ASIC2: variants seen among roughly 807,000 people sequenced by gnomAD.
The protein encoded by ASIC2 is acid-sensing ion channel 2.
ASIC2 carries 25 observed loss-of-function variants against 57.3 expected under a neutral mutation model. The ratio of observed to expected loss-of-function variants is 0.44; its 90% CI spans 0.32 to 0.61. ASIC2 has a LOEUF of 0.61. Among genes scored for constraint, ASIC2 ranks in the 20% least tolerant of loss-of-function variants. The pLI is 0.06. For synonymous variants in ASIC2, 319 were observed against 307.5 expected, an observed-to-expected ratio of 1.04 and a Z score of -0.39; for missense variants, 641 against 738.1, an observed-to-expected ratio of 0.87 and a Z score of 1.52.
intron 1 of ASIC2, among the ~76,000 whole-genome samples, chr17:34,046,329 A>G (rs1908333972): frequency 6.6e-6 from 1 of 152,232 alleles, no homozygotes; most frequent in Non-Finnish European, 1.5e-5. Flanking sequence ...TAAATGTTAT[A>G]AGTGACAACC....
chr17:34,030,575 G>A (rs1354632831), intron 1 of ASIC2, among the ~76,000 whole-genome samples: 2 of 152,370 alleles, frequency 1.3e-5, no homozygotes, highest in East Asian at 1.9e-4. Flanking sequence ...CACCTGGGAA[G>A]CTCAAGGGGT....
intron 1 of ASIC2, among the ~76,000 whole-genome samples, chr17:33,504,390 G>A (rs1300478333): frequency 6.6e-6 from 1 of 152,186 alleles, no homozygotes; most frequent in African/African-American, 2.4e-5. Context: ...CCAGGCTGGA[G>A]TGCAGTACTG....
At chr17:33,106,534 C>T (rs1258514377) in intron 2 of ASIC2, among the ~76,000 whole-genome samples, 1 of 152,188 alleles carries the variant, frequency 6.6e-6, no homozygotes, top group Non-Finnish European at 1.5e-5. Context: ...AGACGTAACC[C>T]ACCCTCAATT....
intron 1 of ASIC2, among the ~76,000 whole-genome samples, chr17:33,846,974 T>TTCC (rs34681818): frequency 0.025 from 3,832 of 152,120 alleles, 179 homozygotes; most frequent in African/African-American, 0.088. Flanking sequence ...TCCTGTACAA[T>TTCC]TCCGTCTCAG....
chr17:33,481,501 C>A (rs192083297), intron 1 of ASIC2, among the ~76,000 whole-genome samples: 5 of 142,628 alleles, frequency 3.5e-5, no homozygotes, highest in African/African-American at 1.3e-4. Flanking sequence ...GGGGAGGTTG[C>A]TCCATTGATC....
intron 1 of ASIC2, among the ~76,000 whole-genome samples, chr17:33,383,583 A>T (rs770877010): frequency 4.6e-5 from 7 of 152,224 alleles, no homozygotes; most frequent in Non-Finnish European, 8.8e-5. Flanking sequence ...AGTTTGACAC[A>T]CGTGGATCAA....
chr17:33,666,294 C>A (rs1907468120), intron 1 of ASIC2, among the ~76,000 whole-genome samples: 1 of 152,146 alleles, frequency 6.6e-6, no homozygotes, highest in African/African-American at 2.4e-5. Context: ...CAATAGCTGG[C>A]AGAAAAGGAA....
At position 33,181,306 on chromosome 17, in the gene ASIC2, A is replaced by T. The variant is rs184800956; in HGVS notation, c.709-69239T>A. On this transcript the variant is annotated intron_variant, in intron 1 of 9. Coordinates refer to ENST00000225823, the MANE Select transcript of ASIC2 (RefSeq NM_183377.2). ...TATAGAAAAACACAAAAGTGTTTAT[A>T]ATAATAAACACTTTTAATAACACTT... Among the ~76,000 whole-genome samples, 20 of 152,334 alleles carry T rather than the reference A, an allele frequency of 1.3e-4. No homozygotes were observed. In the East Asian group the frequency reaches 3.7e-3, roughly 28 times the overall value.
intron 1 of ASIC2, among the ~76,000 whole-genome samples, chr17:33,113,641 T>C (rs1292246096): frequency 6.6e-6 from 1 of 152,234 alleles, no homozygotes; most frequent in Non-Finnish European, 1.5e-5. Context: ...TGTAAATCTT[T>C]ACGGCTAGTT....
At chr17:34,033,105 T>A (rs1455984000) in intron 1 of ASIC2, among the ~76,000 whole-genome samples, 1 of 152,110 alleles carries the variant, frequency 6.6e-6, no homozygotes, top group African/African-American at 2.4e-5. Context: ...ATTGACCACA[T>A]AGATGGAAGT....
chr17:33,360,118 C>A (rs1908541700), intron 1 of ASIC2, among the ~76,000 whole-genome samples: 1 of 152,042 alleles, frequency 6.6e-6, no homozygotes, highest in African/African-American at 2.4e-5. Flanking sequence ...CTCAGATGAG[C>A]ATGGATCTAT....
intron 1 of ASIC2, among the ~76,000 whole-genome samples, chr17:33,619,646 G>C (rs1327492609): frequency 6.6e-6 from 1 of 152,204 alleles, no homozygotes; most frequent in Non-Finnish European, 1.5e-5. Context: ...GCTTTGTAAT[G>C]AGAAGGGAGG....
At chr17:33,380,244 T>TAAAAAA (rs1291781674) in intron 1 of ASIC2, among the ~76,000 whole-genome samples, 1 of 11,038 alleles carries the variant, frequency 9.1e-5, no homozygotes. Context: ...AAACCCTGTC[T>TAAAAAA]CAAAAAAAAA....
At chr17:33,607,967 C>T (rs976809490) in intron 1 of ASIC2, among the ~76,000 whole-genome samples, 1 of 152,114 alleles carries the variant, frequency 6.6e-6, no homozygotes, top group Non-Finnish European at 1.5e-5. Flanking sequence ...TTGCCTTCAA[C>T]CTAAAGGATC....
rs1711705423 is a variant in ASIC2, at chr17:33,088,910, C to T, written c.940G>A (p.Gly314Arg). Residue 314 changes from glycine to arginine, a missense_variant, in exon 3 of 10, where the codon GGG (glycine) becomes AGG (arginine). Physicochemically the swap from Gly to Arg is moderately radical, Grantham distance 125. This residue lies in a region of ASIC2 where 252 missense variants were observed against 319.8 expected (regional missense o/e 0.79). Coordinates refer to ENST00000225823, the MANE Select transcript of ASIC2 (RefSeq NM_183377.2). ...EPPFIQELGF[G>R]VAPGFQTFVA... is the part of the protein sequence containing the mutation. ...AAGGTCTGGAACCCTGGAGCCACCC[C>T]AAAGCCCAGCTCTTGGATGAAAGGT... is the stretch of plus-strand genomic sequence containing the variant. 6.2e-7 allele frequency: 1 copy of T among 1,614,094 alleles called. No homozygotes were observed. Among genetic ancestry groups the T allele is most frequent in the Non-Finnish European group, 8.5e-7 (1 of 1,179,980 alleles).
intron 1 of ASIC2, among the ~76,000 whole-genome samples, chr17:33,212,562 C>T (rs1191789864): frequency 6.6e-6 from 1 of 152,116 alleles, no homozygotes; most frequent in African/African-American, 2.4e-5. Flanking sequence ...CCACTAAACT[C>T]GTGACAGCAG....
intron 1 of ASIC2, among the ~76,000 whole-genome samples, chr17:33,248,434 T>C (rs973051969): frequency 1.1e-4 from 16 of 152,240 alleles, no homozygotes; most frequent in Non-Finnish European, 2.9e-5. Context: ...TGTGATCTTA[T>C]GGATGTTTAA....
At chr17:33,452,102 A>G (rs896749074) in intron 1 of ASIC2, among the ~76,000 whole-genome samples, 1 of 152,270 alleles carries the variant, frequency 6.6e-6, no homozygotes, top group Non-Finnish European at 1.5e-5. Context: ...TTAGAGCTGC[A>G]TGTAAATTAA....
intron 1 of ASIC2, among the ~76,000 whole-genome samples, chr17:33,520,458 CCTAA>C (rs1914704819): frequency 6.6e-6 from 1 of 152,176 alleles, no homozygotes; most frequent in Non-Finnish European, 1.5e-5. Flanking sequence ...AATTAGTATG[CCTAA>C]CTATGTCCAA....
Sources: gnomAD v4.1 joint callset for allele counts (sites outside exome capture counted in the v4.1 genomes callset) on GRCh38, gnomAD v4.1.1 for gene constraint, gnomAD v4.1.1 regional missense constraint, MANE v1.5 for transcripts, NCBI Gene and HGNC (gene_info 2026-07-23, HGNC 2026-07-21) for gene names.